Variants in METTL24 observed in about 807,000 individuals in gnomAD.
METTL24 encodes the protein methyltransferase like 24, also known as probable methyltransferase-like protein 24.
In METTL24, 29 loss-of-function variants were observed where a neutral mutation model predicts 32.7. That is an observed-to-expected ratio of 0.89 (90% confidence interval 0.66 to 1.21). METTL24 has a LOEUF of 1.21. METTL24 is among the 50% of genes most tolerant of loss of function. The probability of loss-of-function intolerance (pLI) is 0.00; values close to 1 mark genes in which losing one functional copy is unlikely to be tolerated. For synonymous variants in METTL24, 163 were observed against 179.5 expected (o/e 0.91, Z 0.73); for missense variants, 439 against 468.1 (o/e 0.94, Z 0.57).
At chr6:110,271,113 G>C (rs1770951326) in intron 4 of METTL24, among the ~76,000 whole-genome samples, 1 of 151,944 alleles carries the variant, frequency 6.6e-6, no homozygotes, top group Non-Finnish European at 1.5e-5. Context: ...ACCGAACTTG[G>C]CCTCCCAAAG....
At chr6:110,356,875 C>T (rs1019219410) in intron 1 of METTL24, among the ~76,000 whole-genome samples, 1 of 152,156 alleles carries the variant, frequency 6.6e-6, no homozygotes, top group African/African-American at 2.4e-5. Context: ...TGTGGAAAAA[C>T]GGAGGGCGAG....
chr6:110,246,399 G>T, intron 4 of METTL24, 139 bp from the exon 5 acceptor site: 1 of 695,834 alleles, frequency 1.4e-6, no homozygotes, highest in Non-Finnish European at 2.3e-6. Context: ...GTGGCCATTT[G>T]CATTTATGAC....
chr6:110,321,829 T>C (rs567481945), intron 2 of METTL24, among the ~76,000 whole-genome samples: 6 of 152,346 alleles, frequency 3.9e-5, no homozygotes, highest in East Asian at 1.9e-4. Context: ...TCTGGAAATA[T>C]ATTCTCTCCT....
chr6:110,313,202 T>C (rs533770117), intron 3 of METTL24, among the ~76,000 whole-genome samples: 2 of 152,332 alleles, frequency 1.3e-5, no homozygotes, highest in East Asian at 3.9e-4. Flanking sequence ...ATAAATTTTA[T>C]ATTTCAAAAT....
chr6:110,334,704 G>A (rs1772178297), intron 1 of METTL24, among the ~76,000 whole-genome samples: 1 of 152,182 alleles, frequency 6.6e-6, no homozygotes, highest in Non-Finnish European at 1.5e-5. Flanking sequence ...GTCATTGGTT[G>A]CACGTAACCG....
At chr6:110,290,693 C>A (rs542278962) in intron 4 of METTL24, among the ~76,000 whole-genome samples, 5 of 152,234 alleles carry the variant, frequency 3.3e-5, no homozygotes, top group African/African-American at 9.6e-5. Context: ...AGTTACAAGC[C>A]TTTGTGCAGA....
At chr6:110,334,350 C>T (rs1430958330) in intron 1 of METTL24, among the ~76,000 whole-genome samples, 8 of 152,038 alleles carry the variant, frequency 5.3e-5, no homozygotes, top group African/African-American at 9.7e-5. Context: ...GAACATGGAC[C>T]GTGGCAGAAA....
intron 4 of METTL24, among the ~76,000 whole-genome samples, chr6:110,261,672 A>T (rs914989915): frequency 3.3e-5 from 5 of 152,224 alleles, no homozygotes; most frequent in African/African-American, 1.2e-4. Context: ...CATTCTTCTC[A>T]GCACCACACC....
chr6:110,311,784 C>A (rs1185006317), intron 3 of METTL24, among the ~76,000 whole-genome samples: 2 of 152,082 alleles, frequency 1.3e-5, no homozygotes, highest in African/African-American at 4.8e-5. Flanking sequence ...TGAGCCACTG[C>A]GCCTGGCCCC....
intron 1 of METTL24, among the ~76,000 whole-genome samples, chr6:110,337,237 C>G (rs769963458): frequency 3.3e-4 from 50 of 152,018 alleles, no homozygotes; most frequent in Non-Finnish European, 5.9e-5. Flanking sequence ...CTCATAGGCA[C>G]AAAGGAGGGA....
chr6:110,355,893 TG>T (rs1772688320), intron 1 of METTL24, among the ~76,000 whole-genome samples: 1 of 152,132 alleles, frequency 6.6e-6, no homozygotes, highest in South Asian at 2.1e-4. Flanking sequence ...CTAGCAGGGA[TG>T]AGTGTGAACC....
At chr6:110,332,486 G>A in intron 1 of METTL24, 1 of 983,092 alleles carries the variant, frequency 1.0e-6, no homozygotes, top group Non-Finnish European at 1.2e-6. Flanking sequence ...GTTTTCATGA[G>A]GTGGAAACTA....
intron 3 of METTL24, 73 bp downstream of exon 3, chr6:110,315,269 T>G: frequency 6.5e-7 from 1 of 1,549,412 alleles, no homozygotes; most frequent in Non-Finnish European, 8.8e-7. Flanking sequence ...TTTCTAACTT[T>G]GTATTGCTGA....
chr6:110,276,136 TA>T, intron 4 of METTL24, among the ~76,000 whole-genome samples: 1 of 152,080 alleles, frequency 6.6e-6, no homozygotes, highest in Non-Finnish European at 1.5e-5. Context: ...GAGAAACCAA[TA>T]AGATTACATG....
At chr6:110,354,004 G>A (rs1414975836) in intron 1 of METTL24, among the ~76,000 whole-genome samples, 1 of 152,164 alleles carries the variant, frequency 6.6e-6, no homozygotes, top group Non-Finnish European at 1.5e-5. Flanking sequence ...AATCACAGTG[G>A]TATTTTTATG....
In METTL24 at chr6:110,315,338, T is replaced by C. The variant is rs761789323; in HGVS notation, c.557+4A>G. 6.6e-5 allele frequency: 106 copies of C among 1,613,620 alleles called. 1 individual carries two copies. In the Admixed American group the frequency reaches 1.8e-3, roughly 27 times the overall value. ...TTTCTTCTGCTGTAAAAAAATGTACTCACCCTAAGGAGTAGAGGCGGCACT... is the reference window on the plus strand; with the variant it reads ...TTTCTTCTGCTGTAAAAAAATGTACCCACCCTAAGGAGTAGAGGCGGCACT... On this transcript the variant is annotated splice_donor_region_variant and intron_variant, in intron 3 of 4. Transcript: ENST00000338882.
chr6:110,353,481 T>C (rs1772649173), intron 1 of METTL24, among the ~76,000 whole-genome samples: 2 of 151,660 alleles, frequency 1.3e-5, no homozygotes. Flanking sequence ...ACTAAGAAGA[T>C]GACAAGAAGT....
chr6:110,330,141 T>C (rs531732144), intron 1 of METTL24, among the ~76,000 whole-genome samples: 2 of 152,348 alleles, frequency 1.3e-5, no homozygotes, highest in South Asian at 4.1e-4. Flanking sequence ...TCAGGGATAG[T>C]AGAGGAAATC....
chr6:110,357,198 G>A (rs138554221), intron 1 of METTL24: 13 of 152,332 alleles, frequency 8.5e-5, no homozygotes, highest in African/African-American at 2.6e-4. Context: ...AAATTACCGA[G>A]CTCCAAAAAG....
Sources: allele counts gnomAD v4.1 joint callset (sites outside exome capture counted in the v4.1 genomes callset), GRCh38; gene constraint gnomAD v4.1.1; transcripts MANE v1.5; gene names NCBI Gene and HGNC (gene_info 2026-07-23, HGNC 2026-07-21).